Variants in USP42 observed in about 807,000 individuals in gnomAD.
USP42 encodes ubiquitin carboxyl-terminal hydrolase 42.
Under a neutral mutation model 113.0 loss-of-function variants are expected in USP42, and 23 were observed. That is an observed-to-expected ratio of 0.20 (90% CI 0.15 to 0.29). The LOEUF (loss-of-function observed/expected upper bound fraction) is 0.29, where lower values mean the gene tolerates loss of function less well. Ranked by LOEUF, USP42 falls within the 10% of genes least tolerant of loss-of-function variation. USP42 has a pLI of 1.00. For missense variants in USP42, 2,174 were observed against 1,779.8 expected, an observed-to-expected ratio of 1.22 and a Z score of -3.99; for synonymous variants, 933 against 699.0, an observed-to-expected ratio of 1.33 and a Z score of -5.28.
At chr7:6,115,157 G>A (rs1779848444) in intron 2 of USP42, among the ~76,000 whole-genome samples, 166 bp from the exon 3 acceptor site, 1 of 152,120 alleles carries the variant, frequency 6.6e-6, no homozygotes, top group Non-Finnish European at 1.5e-5. Context: ...AATTTCTCAT[G>A]TTCTGGTTTC....
At chr7:6,140,836 G>A (rs2128505147) in intron 6 of USP42, 78 bp from the exon 7 acceptor site, 1 of 836,718 alleles carries the variant, frequency 1.2e-6, no homozygotes, top group East Asian at 2.7e-5. Context: ...TTTCAAAATT[G>A]TATTTTGTCA....
At chr7:6,141,618 G>A (rs1248905033) in intron 7 of USP42, among the ~76,000 whole-genome samples, 2 of 151,794 alleles carry the variant, frequency 1.3e-5, no homozygotes, top group African/African-American at 2.4e-5. Flanking sequence ...GAGTGCAGTG[G>A]CGCAATATCA....
At chr7:6,107,101 A>G (rs1351915426) in intron 1 of USP42, among the ~76,000 whole-genome samples, 1 of 152,222 alleles carries the variant, frequency 6.6e-6, no homozygotes, top group Admixed American at 6.5e-5. Flanking sequence ...CATTGGCTGA[A>G]TATACAAATG....
chr7:6,116,971 G>T (rs546791375), intron 3 of USP42: 105 of 450,434 alleles, frequency 2.3e-4, no homozygotes, highest in African/African-American at 2.0e-3. Flanking sequence ...GGTAGTTTTT[G>T]TGCTTGCTTC....
chr7:6,150,760 T>C (rs1441089228), intron 14 of USP42, among the ~76,000 whole-genome samples: 1 of 152,196 alleles, frequency 6.6e-6, no homozygotes, highest in African/African-American at 2.4e-5. Context: ...TGGCCACCTC[T>C]CTCTGGTTAG....
intron 15 of USP42, among the ~76,000 whole-genome samples, chr7:6,155,556 T>G (rs78395938): frequency 0.014 from 2,065 of 151,756 alleles, 28 homozygotes; most frequent in Non-Finnish European, 0.021. Context: ...GTTAATATTC[T>G]TACTTGTCAG....
At chr7:6,126,675 C>G (rs1780565086) in intron 3 of USP42, among the ~76,000 whole-genome samples, 1 of 151,956 alleles carries the variant, frequency 6.6e-6, no homozygotes, top group South Asian at 2.1e-4. Context: ...CTGCGGTAAA[C>G]ACATCTAGGT....
intron 9 of USP42, 124 bp from the exon 10 acceptor site, chr7:6,145,392 A>T: frequency 8.6e-7 from 1 of 1,165,142 alleles, no homozygotes. Context: ...TTTTTGCTAG[A>T]ATATCACAGG....
At chr7:6,142,844 A>G (rs1781507664) in intron 7 of USP42, 88 bp from the exon 8 acceptor site, 4 of 1,262,962 alleles carry the variant, frequency 3.2e-6, no homozygotes, top group East Asian at 2.4e-5. Flanking sequence ...TGATTGTGCC[A>G]CTGCACTCCA....
rs777628015 is a variant in USP42 at position 6,154,528 on chromosome 7, G to C, written c.2974G>C (p.Asp992His). 1.3e-6 allele frequency: 2 copies of C among 1,542,652 alleles called. No homozygotes were observed. Among genetic ancestry groups the C allele is most frequent in the Middle Eastern group, 3.5e-4 (2 of 5,708 alleles). ...RTCPRERDRQ[D>H]RHAPEHHPGH... ...CTGCCCCCGGGAGCGCGACCGCCAG[G>C]ACCGCCACGCCCCGGAGCACCACCC... is the stretch of plus-strand genomic sequence containing the variant. The change falls in exon 15 of 18, where the codon GAC becomes CAC. Residue 992 changes from aspartate (D) to histidine (H), a missense_variant. Physicochemically the swap from Asp to His is moderately conservative, Grantham distance 81. Coordinates refer to ENST00000306177, the MANE Select transcript of USP42 (RefSeq NM_032172.3).
intron 9 of USP42, among the ~76,000 whole-genome samples, chr7:6,144,651 C>T (rs1005778108): frequency 6.6e-6 from 1 of 152,194 alleles, no homozygotes; most frequent in Admixed American, 6.5e-5. Context: ...GGGCATATCA[C>T]TTCAAGCCGG....
chr7:6,126,097 G>C (rs967621231), intron 3 of USP42, among the ~76,000 whole-genome samples: 2 of 152,024 alleles, frequency 1.3e-5, no homozygotes, highest in African/African-American at 2.4e-5. Context: ...CTTAACCTCT[G>C]GTGACCACTG....
Position 6,150,011 on chromosome 7 carries a change from G to C in USP42, c.1815G>C (p.Val605=), listed in dbSNP as rs1781947327. ...CCAAGCTGAACTCCAGCGTGCTGGT[G>C]CCCTATGGCGCCGAGTCCTCTGAGG... is the stretch of plus-strand genomic sequence containing the variant. ...GKSKLNSSVL[V]PYGAESSEDS... Residue 605 remains valine, a synonymous_variant, in exon 13 of 18, where the codon GTG becomes GTC. Transcript: ENST00000306177. 2 of 1,613,012 alleles carry C rather than the reference G, an allele frequency of 1.2e-6. No individual in the cohort carries two copies. The highest frequency in any genetic ancestry group is 1.7e-6 in the Non-Finnish European group (2 of 1,179,456).
In USP42 at chr7:6,121,855, C is replaced by G. The variant is rs573161795; in HGVS notation, c.442+6332C>G. Among the ~76,000 whole-genome samples, 9 of 152,256 alleles carry G rather than the reference C, an allele frequency of 5.9e-5. No individual in the cohort carries two copies. The South Asian group carries it at 1.9e-3, about 32-fold the overall frequency. On this transcript the variant is annotated intron_variant, in intron 3 of 17. Coordinates refer to ENST00000306177, the MANE Select transcript of USP42 (RefSeq NM_032172.3). ...TAAATTATTTTTGTAGAGACGAGGT[C>G]TCACTATGTTGCCCAGGGTAGTCTT...
intron 1 of USP42, among the ~76,000 whole-genome samples, chr7:6,108,913 C>T (rs1203048758): frequency 6.6e-6 from 1 of 152,220 alleles, no homozygotes; most frequent in Non-Finnish European, 1.5e-5. Context: ...TGTTCCCAGA[C>T]TTTGTTCATT....
intron 1 of USP42, among the ~76,000 whole-genome samples, chr7:6,106,269 C>G (rs1253530581): frequency 2.0e-5 from 3 of 151,758 alleles, no homozygotes; most frequent in African/African-American, 7.3e-5. Flanking sequence ...TGTGTGTTTT[C>G]TCTTATAACG....
At chr7:6,151,027 GC>G (rs1782019224) in intron 14 of USP42, among the ~76,000 whole-genome samples, 1 of 152,244 alleles carries the variant, frequency 6.6e-6, no homozygotes, top group Admixed American at 6.5e-5. Context: ...AACCTGCACA[GC>G]CTGTGACTGC....
intron 1 of USP42, among the ~76,000 whole-genome samples, chr7:6,105,406 C>CTCGGGGCG: frequency 6.7e-6 from 1 of 149,324 alleles, no homozygotes; most frequent in East Asian, 2.0e-4. Flanking sequence ...AGGCGGGAGG[C>CTCGGGGCG]TCGGGGCGGC....
At position 6,116,550 on chromosome 7, in the gene USP42, T is replaced by TA. The variant is rs900796307; in HGVS notation, c.442+1038dup. ...TCTGGGGCTATTAGTTACTAGGATT[T>TA]AAAAAAAAAAATCCTTGGTTTCTTT... On this transcript the variant is annotated intron_variant, in intron 3 of 17. Coordinates refer to ENST00000306177, the MANE Select transcript of USP42 (RefSeq NM_032172.3). 5.6e-3 allele frequency: 1,510 copies of TA among 268,218 alleles called. 1 individual carries two copies. The highest frequency in any genetic ancestry group is 0.014 in the South Asian group (402 of 29,022). The allele number at this position is 268,218 out of a possible 1,614,324, so 16.6% of individuals were successfully genotyped here. A position where few individuals can be genotyped will look rare whatever the true frequency, so the allele number is the denominator to read the frequency against.
Sources: allele counts gnomAD v4.1 joint callset (sites outside exome capture counted in the v4.1 genomes callset), GRCh38; gene constraint gnomAD v4.1.1; transcripts MANE v1.5; gene names NCBI Gene and HGNC (gene_info 2026-07-23, HGNC 2026-07-21).